Variants in UBR3 observed in about 807,000 individuals in gnomAD.
UBR3 encodes the protein E3 ubiquitin-protein ligase UBR3.
In UBR3, 85 loss-of-function variants were observed where a neutral mutation model predicts 243.2. The observed-to-expected ratio is 0.35, with a 90% CI of 0.29 to 0.42. UBR3 has a LOEUF of 0.42. Among genes scored for constraint, UBR3 ranks in the 10% least tolerant of loss-of-function variants. The probability of loss-of-function intolerance (pLI) is 1.00; values close to 1 mark genes in which losing one functional copy is unlikely to be tolerated. For missense variants in UBR3, 1,686 were observed against 2,300.8 expected, an observed-to-expected ratio of 0.73 and a Z score of 5.47; for synonymous variants, 748 against 799.8, an observed-to-expected ratio of 0.94 and a Z score of 1.09.
At chr2:169,985,307 C>T (rs1290633619) in intron 24 of UBR3, among the ~76,000 whole-genome samples, 1 of 149,666 alleles carries the variant, frequency 6.7e-6, no homozygotes, top group Non-Finnish European at 1.5e-5. Flanking sequence ...CGGCTAACTG[C>T]AACCTCTGCC....
intron 12 of UBR3, 27 bp from the exon 13 acceptor site, chr2:169,924,057 T>C (rs1210076187): frequency 7.2e-6 from 11 of 1,527,638 alleles, no homozygotes; most frequent in Non-Finnish European, 9.7e-6. Context: ...AGAATTGAAT[T>C]AGTAACTTTT....
chr2:170,061,787 G>C lies in UBR3; in HGVS notation c.5019+344G>C, dbSNP rs564505414. Among the ~76,000 whole-genome samples the C allele has an allele frequency of 1.2e-4, 19 of 152,174 alleles. No individual in the cohort carries two copies. In the South Asian group the frequency reaches 2.1e-3, roughly 17 times the overall value. On this transcript the variant is annotated intron_variant, in intron 35 of 38. Coordinates refer to ENST00000272793, the MANE Select transcript of UBR3 (RefSeq NM_172070.4). ...TAGCCAAGCCTTGTTTTTATAATAA[G>C]CTATTTTGTTTTAAATATACTGGTA...
intron 8 of UBR3, among the ~76,000 whole-genome samples, chr2:169,898,609 C>A (rs2084682950): frequency 6.6e-6 from 1 of 151,830 alleles, no homozygotes. Context: ...GTCTGCCTTC[C>A]CATTGTAGGT....
intron 24 of UBR3, among the ~76,000 whole-genome samples, chr2:169,983,396 G>A (rs954929876): frequency 6.6e-6 from 1 of 151,618 alleles, no homozygotes; most frequent in African/African-American, 2.4e-5. Flanking sequence ...GAGTAGCTGG[G>A]ATTACAGGCA....
intron 1 of UBR3, among the ~76,000 whole-genome samples, chr2:169,857,644 C>G (rs1334995161): frequency 6.6e-6 from 1 of 150,928 alleles, no homozygotes; most frequent in Non-Finnish European, 1.5e-5. Flanking sequence ...CTAGGCTGAT[C>G]TCAAACTCCT....
chr2:169,904,652 T>C (rs1197366604), intron 8 of UBR3, among the ~76,000 whole-genome samples: 1 of 152,168 alleles, frequency 6.6e-6, no homozygotes, highest in African/African-American at 2.4e-5. Flanking sequence ...ATTTTTTGCA[T>C]AGAAGAAAGC....
intron 35 of UBR3, among the ~76,000 whole-genome samples, chr2:170,072,508 C>CACAT (rs1352855598): frequency 5.9e-5 from 9 of 151,970 alleles, no homozygotes; most frequent in South Asian, 2.1e-4. Flanking sequence ...ATCAGCATGG[C>CACAT]ACATATATAC....
At position 170,055,545 on chromosome 2, in the gene UBR3, A is replaced by C; in HGVS notation, c.4746A>C (p.Glu1582Asp). 6.2e-7 allele frequency: 1 copy of C among 1,613,744 alleles called. No individual in the cohort carries two copies. Among genetic ancestry groups the C allele is most frequent in the Non-Finnish European group, 8.5e-7 (1 of 1,179,690 alleles). The change falls in exon 33 of 39, where the codon GAA (glutamate) becomes GAC (aspartate). Residue 1582 changes from glutamate to aspartate, a missense_variant. Transcript: ENST00000272793. ...LAALSVKCSE[E>D]DRSAWKHAGA... ...CACTCTCAGTTAAATGCAGCGAAGA[A>C]GATAGGTCAGCCTGGAAACACGCGG...
At chr2:170,078,255 G>T in intron 36 of UBR3, 1 of 435,330 alleles carries the variant, frequency 2.3e-6, no homozygotes. Flanking sequence ...TGATATCCAT[G>T]GCATTTACAG....
rs2090617499 is a variant in UBR3, at chr2:170,029,584, G to A, written c.4556+136G>A. 7 of 659,882 alleles carry A rather than the reference G, an allele frequency of 1.1e-5. No individual in the cohort carries two copies. The South Asian group carries it at 1.4e-4, about 13-fold the overall frequency. The allele number at this position is 659,882 out of a possible 1,614,324, so 40.9% of individuals were successfully genotyped here. ...TATGAAGCACAGAAATATATCATAA[G>A]AATTGAAAACAGTTTACCATTATGC... On this transcript the variant is annotated intron_variant, in intron 31 of 38. Coordinates refer to ENST00000272793, the MANE Select transcript of UBR3 (RefSeq NM_172070.4).
intron 20 of UBR3, among the ~76,000 whole-genome samples, chr2:169,944,162 GT>G (rs1332410146): frequency 3.9e-5 from 6 of 152,086 alleles, no homozygotes; most frequent in African/African-American, 1.4e-4. Context: ...TGTTTACTTA[GT>G]GCCAGATTTT....
intron 20 of UBR3, among the ~76,000 whole-genome samples, chr2:169,945,326 T>C (rs1043275367): frequency 2.0e-5 from 3 of 152,280 alleles, no homozygotes; most frequent in African/African-American, 7.2e-5. Context: ...TCTTCACCAC[T>C]GTGCCACACA....
At chr2:169,845,447 GTT>G (rs200597226) in intron 1 of UBR3, among the ~76,000 whole-genome samples, 2 of 138,178 alleles carry the variant, frequency 1.4e-5, no homozygotes, top group Admixed American at 7.4e-5. Flanking sequence ...GAAATTTTGA[GTT>G]TTTTTTTTTT....
At chr2:169,877,280 ATTTC>A (rs1352889878) in intron 3 of UBR3, among the ~76,000 whole-genome samples, 1 of 152,132 alleles carries the variant, frequency 6.6e-6, no homozygotes, top group Non-Finnish European at 1.5e-5. Context: ...TACTTTGTAG[ATTTC>A]ATTATTTGGT....
chr2:169,833,757 T>C (rs1287743386), intron 1 of UBR3, among the ~76,000 whole-genome samples: 2 of 152,082 alleles, frequency 1.3e-5, no homozygotes, highest in Non-Finnish European at 2.9e-5. Context: ...TAAAAGAGAT[T>C]AGTTATAATT....
rs190216162 is a variant in UBR3, at chr2:170,064,502, A to G, written c.5019+3059A>G. Among the ~76,000 whole-genome samples, 6 of 152,090 alleles carry G rather than the reference A, an allele frequency of 3.9e-5. No individual in the cohort carries two copies. In the East Asian group the frequency reaches 1.2e-3, roughly 29 times the overall value. ...TTTTCATAGTTTTATCTTCACATTT[A>G]GATTTTTAATTCAGTCTGGAGTTTA... On this transcript the variant is annotated intron_variant, in intron 35 of 38. Transcript: ENST00000272793.
intron 5 of UBR3, among the ~76,000 whole-genome samples, chr2:169,886,275 G>A (rs1312217155): frequency 2.0e-5 from 3 of 152,128 alleles, no homozygotes; most frequent in Admixed American, 6.5e-5. Context: ...CTGTTGGTGG[G>A]AAAGGCCTTA....
Position 169,986,705 on chromosome 2 carries a change from C to T in UBR3, c.3695C>T (p.Ala1232Val), listed in dbSNP as rs752952165. The T allele has an allele frequency of 1.9e-6, 3 of 1,613,850 alleles. No homozygotes were observed. Among genetic ancestry groups the T allele is most frequent in the South Asian group, 2.2e-5 (2 of 91,048 alleles). ...ITTAEPQVSE[A>V]VYDCVICGQS... ...ACGGCAGAACCACAGGTTTCCGAGG[C>T]AGTATATGACTGTGTTATTTGTGGA... The change falls in exon 25 of 39, where the codon GCA becomes GTA. Residue 1232 changes from alanine to valine, a missense_variant. By Grantham distance (64) the Ala-to-Val change is moderately conservative (BLOSUM62 0). Coordinates refer to ENST00000272793, the MANE Select transcript of UBR3 (RefSeq NM_172070.4).
chr2:170,075,898 A>C (rs2091796588), intron 36 of UBR3, among the ~76,000 whole-genome samples: 1 of 145,750 alleles, frequency 6.9e-6, no homozygotes, highest in Non-Finnish European at 1.5e-5. Context: ...AGGAAAACCA[A>C]AGCAAACTAT....
Sources: gnomAD v4.1 joint callset for allele counts (sites outside exome capture counted in the v4.1 genomes callset) on GRCh38, gnomAD v4.1.1 for gene constraint, MANE v1.5 for transcripts, NCBI Gene and HGNC (gene_info 2026-07-23, HGNC 2026-07-21) for gene names.